Variants in JMY observed in about 807,000 individuals in gnomAD.
JMY encodes junction mediating and regulatory protein, p53 cofactor, also known as junction-mediating and -regulatory protein.
A neutral mutation model predicts 103.3 loss-of-function variants in JMY; 46 were observed. The observed-to-expected ratio is 0.45, with a 90% CI of 0.35 to 0.57. The LOEUF is 0.57. JMY is among the 20% of genes least tolerant of loss of function. The pLI is 0.00. For missense variants in JMY, 1,238 were observed against 1,255.2 expected (o/e 0.99, Z 0.21); for synonymous variants, 526 against 489.3 (o/e 1.07, Z -0.99).
At chr5:79,261,417 C>T (rs1021757234) in intron 1 of JMY, among the ~76,000 whole-genome samples, 1 of 151,942 alleles carries the variant, frequency 6.6e-6, no homozygotes, top group African/African-American at 2.4e-5. Flanking sequence ...ATTAGCCAGG[C>T]ATAGTGGCAC....
At position 79,315,908 on chromosome 5, in the gene JMY, G is replaced by C. The variant is rs1747202656; in HGVS notation, c.2660-92G>C. The C allele has an allele frequency of 5.7e-5, 60 of 1,051,376 alleles. 1 individual carries two copies. The South Asian group carries it at 9.0e-4, about 16-fold the overall frequency. The allele number at this position is 1,051,376 out of a possible 1,614,324, so 65.1% of individuals were successfully genotyped here. On this transcript the variant is annotated intron_variant, in intron 9 of 10. Coordinates refer to ENST00000396137, the MANE Select transcript of JMY (RefSeq NM_152405.5). ...TGAAGATGGTGTTTCAGCGTCCTGT[G>C]CTTTCACAGTTGCGAACGGTAGAGG...
intron 1 of JMY, among the ~76,000 whole-genome samples, chr5:79,260,413 C>G (rs1042128521): frequency 6.6e-6 from 1 of 152,242 alleles, no homozygotes; most frequent in Non-Finnish European, 1.5e-5. Context: ...AGCAGCCAGT[C>G]TAGATGGCCC....
rs1458348261 is a variant in JMY, at chr5:79,325,267, T to C, written c.*3665T>C. 1 of 152,166 alleles carries C rather than the reference T, an allele frequency of 6.6e-6. No individual in the cohort carries two copies. The highest frequency in any genetic ancestry group is 2.4e-5 in the African/African-American group (1 of 41,456). 9.4% of individuals were successfully genotyped at this position (152,166 alleles called of 1,614,324 possible). Reference sequence around the variant, plus strand: ...GCTTTATTATTGAAGTATTACAAACTTAACATCAGATACCAATGTGTAAAA... The same window carrying C: ...GCTTTATTATTGAAGTATTACAAACCTAACATCAGATACCAATGTGTAAAA... On this transcript the variant is annotated 3_prime_UTR_variant, in exon 11 of 11. Transcript: ENST00000396137.
chr5:79,283,096 A>G (rs1189300837), intron 2 of JMY, among the ~76,000 whole-genome samples: 2 of 151,896 alleles, frequency 1.3e-5, no homozygotes, highest in Admixed American at 1.3e-4. Context: ...GGTTCAAGCA[A>G]TTCTCCTGCC....
Position 79,326,667 on chromosome 5 carries a change from T to C in JMY, c.*5065T>C, listed in dbSNP as rs942891125. ...TTTTGCATGAATAATTAATTGCCCA[T>C]TAGGGCTAAGGAGACTGACATGATT... On this transcript the variant is annotated 3_prime_UTR_variant, in exon 11 of 11. Coordinates refer to ENST00000396137, the MANE Select transcript of JMY (RefSeq NM_152405.5). The C allele has an allele frequency of 6.6e-6, 1 of 152,204 alleles. No homozygotes were observed. Among genetic ancestry groups the C allele is most frequent in the African/African-American group, 2.4e-5 (1 of 41,472 alleles). 9.4% of individuals were successfully genotyped at this position (152,204 alleles called of 1,614,324 possible).
intron 2 of JMY, among the ~76,000 whole-genome samples, chr5:79,287,480 GTT>G (rs1746302110): frequency 6.6e-6 from 1 of 152,074 alleles, no homozygotes; most frequent in African/African-American, 2.4e-5. Flanking sequence ...CAGCTGCTGA[GTT>G]TTAAAAGTCA....
At chr5:79,249,590 A>T (rs73772723) in intron 1 of JMY, among the ~76,000 whole-genome samples, 14 of 152,270 alleles carry the variant, frequency 9.2e-5, no homozygotes, top group African/African-American at 2.6e-4. Flanking sequence ...CTTAAAGGAG[A>T]TGAATGGAGG....
At position 79,284,585 on chromosome 5, in the gene JMY, A is replaced by T. The variant is rs191630394; in HGVS notation, c.1207-5536A>T. The T allele has an allele frequency of 2.3e-5, 35 of 1,540,414 alleles. No individual in the cohort carries two copies. The African/African-American group carries it at 3.9e-4, about 17-fold the overall frequency. On this transcript the variant is annotated intron_variant, in intron 2 of 10. Transcript: ENST00000396137. The stretch of plus-strand genomic sequence containing the variant: ...AATCATTGTCTGCCATTTTTTGACC[A>T]TGGAACACATTTTGTCACAGGTAAG...
In JMY at chr5:79,314,474, C is replaced by T. The variant is rs2112119850; in HGVS notation, c.2282C>T (p.Thr761Ile). The part of the protein sequence containing the change: ...EPQSLVQLED[T>I]SLTQLEATSL... ...CAGAGCCTTGTGCAACTTGAAGATA[C>T]TTCATTAACACAACTTGAAGCCACC... is the stretch of plus-strand genomic sequence containing the variant. The change falls in exon 9 of 11, where the codon ACT becomes ATT. Residue 761 changes from threonine to isoleucine, a missense_variant. Coordinates refer to ENST00000396137, the MANE Select transcript of JMY (RefSeq NM_152405.5). 6.2e-7 allele frequency: 1 copy of T among 1,614,146 alleles called. No individual in the cohort carries two copies. The highest frequency in any genetic ancestry group is 8.5e-7 in the Non-Finnish European group (1 of 1,180,014).
chr5:79,237,086 G>A lies in JMY; in HGVS notation c.436G>A (p.Ala146Thr). The A allele has an allele frequency of 6.5e-7, 1 of 1,546,942 alleles. No homozygotes were observed. Among genetic ancestry groups the A allele is most frequent in the Non-Finnish European group, 8.7e-7 (1 of 1,144,756 alleles). The change falls in exon 1 of 11, where the codon GCC (alanine) becomes ACC (threonine). Residue 146 changes from alanine to threonine, a missense_variant. By Grantham distance (58) the Ala-to-Thr change is moderately conservative. Transcript: ENST00000396137. ...GAGTCGTCTTAGGAGCCCAGTGCGG[G>A]CCAAACCCATCCCGGGTCAGAAAAC... Reference protein sequence around the residue: ...AESRLRSPVRAKPIPGQKTSE... With the variant: ...AESRLRSPVRTKPIPGQKTSE...
rs71615515 is a variant in JMY at position 79,252,337 on chromosome 5, G to GTT, written c.1032+14671_1032+14672dup. Among the ~76,000 whole-genome samples, 227 of 130,504 alleles carry GTT rather than the reference G, an allele frequency of 1.7e-3. 1 individual carries two copies. The highest frequency in any genetic ancestry group is 5.6e-3 in the African/African-American group (200 of 35,778). The allele number at this position is 130,504 out of a possible 152,430, so 85.6% of individuals were successfully genotyped here. On this transcript the variant is annotated intron_variant, in intron 1 of 10. Coordinates refer to ENST00000396137, the MANE Select transcript of JMY (RefSeq NM_152405.5). ...GTCAGAGAAAATGCTTGATAGTCAG[G>GTT]TTTTTTTTTTTTTTTTTAATGTTTT...
chr5:79,273,852 A>T (rs570339413), intron 1 of JMY, among the ~76,000 whole-genome samples: 1 of 151,386 alleles, frequency 6.6e-6, no homozygotes, highest in East Asian at 1.9e-4. Context: ...TCTTTTTGAG[A>T]TGGAGTCTCG....
At chr5:79,261,266 A>C (rs973898249) in intron 1 of JMY, among the ~76,000 whole-genome samples, 1 of 152,214 alleles carries the variant, frequency 6.6e-6, no homozygotes, top group Non-Finnish European at 1.5e-5. Flanking sequence ...ATGTAAATTG[A>C]TAGCATATCC....
At chr5:79,253,944 CTT>C (rs562468793) in intron 1 of JMY, among the ~76,000 whole-genome samples, 103 of 131,382 alleles carry the variant, frequency 7.8e-4, no homozygotes, top group Admixed American at 1.7e-3. Context: ...TGGTAGATGA[CTT>C]TTTTTTTTTT....
chr5:79,242,956 G>A (rs1280972616), intron 1 of JMY, among the ~76,000 whole-genome samples: 1 of 152,082 alleles, frequency 6.6e-6, no homozygotes, highest in Non-Finnish European at 1.5e-5. Context: ...AACTGCTTTT[G>A]ATTTAGGATA....
At chr5:79,285,629 T>G (rs548562857) in intron 2 of JMY, among the ~76,000 whole-genome samples, 1 of 152,204 alleles carries the variant, frequency 6.6e-6, no homozygotes, top group South Asian at 2.1e-4. Context: ...TCAACAATAT[T>G]TGCTCTGAAT....
chr5:79,280,823 G>A (rs572088912), intron 2 of JMY, among the ~76,000 whole-genome samples: 2 of 150,128 alleles, frequency 1.3e-5, no homozygotes, highest in African/African-American at 2.4e-5. Context: ...AACTGATACA[G>A]TACTCAAATC....
At chr5:79,247,391 C>T (rs1744935361) in intron 1 of JMY, among the ~76,000 whole-genome samples, 1 of 152,008 alleles carries the variant, frequency 6.6e-6, no homozygotes. Flanking sequence ...CAACCTCCAC[C>T]TCTCGGGTTC....
At chr5:79,314,142 A>G in intron 8 of JMY, 115 bp from the exon 9 acceptor site, 3 of 1,478,326 alleles carry the variant, frequency 2.0e-6, no homozygotes, top group Non-Finnish European at 2.7e-6. Flanking sequence ...TACAGGCGTG[A>G]GCCACCACAC....
Sources: allele counts gnomAD v4.1 joint callset (sites outside exome capture counted in the v4.1 genomes callset), GRCh38; gene constraint gnomAD v4.1.1; transcripts MANE v1.5; gene names NCBI Gene and HGNC (gene_info 2026-07-23, HGNC 2026-07-21).